Variants in TRAPPC9 observed in about 807,000 individuals in gnomAD.
The protein encoded by TRAPPC9 is trafficking protein particle complex subunit 9.
A neutral mutation model predicts 124.0 loss-of-function variants in TRAPPC9; 83 were observed. That is an observed-to-expected ratio of 0.67 (90% CI 0.56 to 0.80). The LOEUF (loss-of-function observed/expected upper bound fraction) is 0.80, where lower values mean the gene tolerates loss of function less well. Among genes scored for constraint, TRAPPC9 ranks in the 30% least tolerant of loss-of-function variants. The pLI, the probability that TRAPPC9 is intolerant of heterozygous loss-of-function variation, is 0.00. For synonymous variants in TRAPPC9, 638 were observed against 617.5 expected (o/e 1.03, Z -0.49); for missense variants, 1,302 against 1,508.3 (o/e 0.86, Z 2.27).
intron 19 of TRAPPC9, among the ~76,000 whole-genome samples, chr8:139,966,079 A>G (rs1835688245): frequency 1.3e-5 from 2 of 152,188 alleles, no homozygotes; most frequent in Admixed American, 1.3e-4. Context: ...AGTTGTGAAG[A>G]GTTCTGCTCA....
intron 12 of TRAPPC9, among the ~76,000 whole-genome samples, chr8:140,290,343 A>G (rs1236445919): frequency 6.6e-6 from 1 of 152,238 alleles, no homozygotes; most frequent in Non-Finnish European, 1.5e-5. Flanking sequence ...ACAGCAATGC[A>G]GAGAAGACTT....
chr8:140,263,268 A>G (rs772720981), intron 15 of TRAPPC9, among the ~76,000 whole-genome samples: 1 of 152,146 alleles, frequency 6.6e-6, no homozygotes, highest in Non-Finnish European at 1.5e-5. Flanking sequence ...CTATCACGGG[A>G]CACCTTGCAC....
intron 1 of TRAPPC9, among the ~76,000 whole-genome samples, chr8:140,453,770 T>C (rs950813474): frequency 6.6e-6 from 1 of 152,150 alleles, no homozygotes; most frequent in Non-Finnish European, 1.5e-5. Context: ...GAGTCTTTTC[T>C]GCACACAAAA....
chr8:140,144,743 TC>T (rs1442294441), intron 17 of TRAPPC9, among the ~76,000 whole-genome samples: 1 of 152,082 alleles, frequency 6.6e-6, no homozygotes, highest in Non-Finnish European at 1.5e-5. Context: ...TGCTTCAGCC[TC>T]CCAAAGTGCT....
chr8:140,014,842 G>A (rs1839361948), intron 18 of TRAPPC9, among the ~76,000 whole-genome samples: 1 of 152,222 alleles, frequency 6.6e-6, no homozygotes, highest in South Asian at 2.1e-4. Context: ...GTTCTCGGGA[G>A]TGTGCATGGG....
intron 10 of TRAPPC9, among the ~76,000 whole-genome samples, chr8:140,308,972 G>A (rs552578625): frequency 2.0e-5 from 3 of 152,118 alleles, no homozygotes; most frequent in Non-Finnish European, 2.9e-5. Flanking sequence ...CTAACTGTTC[G>A]CAGGGAGCTC....
At chr8:139,758,516 T>C (rs1345529958) in intron 21 of TRAPPC9, among the ~76,000 whole-genome samples, 1 of 151,910 alleles carries the variant, frequency 6.6e-6, no homozygotes, top group East Asian at 1.9e-4. Context: ...CTGCCTGCTG[T>C]GGGGAGGCCG....
intron 5 of TRAPPC9, among the ~76,000 whole-genome samples, chr8:140,418,767 TAG>T (rs1256512971): frequency 7.0e-6 from 1 of 143,318 alleles, no homozygotes; most frequent in East Asian, 2.1e-4. Context: ...GATAGATAGA[TAG>T]ATAGACAGAC....
At chr8:140,359,242 A>G (rs576741304) in intron 9 of TRAPPC9, among the ~76,000 whole-genome samples, 1 of 152,174 alleles carries the variant, frequency 6.6e-6, no homozygotes, top group African/African-American at 2.4e-5. Context: ...GTACGTCCCA[A>G]TACACTCTGC....
chr8:140,004,495 G>A (rs1838621610), intron 18 of TRAPPC9, among the ~76,000 whole-genome samples: 1 of 152,096 alleles, frequency 6.6e-6, no homozygotes, highest in African/African-American at 2.4e-5. Flanking sequence ...TAATTTCTCT[G>A]ACTGTCAGTT....
At chr8:140,283,321 G>A (rs2065382678) in intron 14 of TRAPPC9, among the ~76,000 whole-genome samples, 1 of 131,654 alleles carries the variant, frequency 7.6e-6, no homozygotes, top group Non-Finnish European at 1.6e-5. Flanking sequence ...TTGAGACGGA[G>A]TCTCGCTCTG....
At chr8:139,799,696 C>T (rs1417214253) in intron 21 of TRAPPC9, among the ~76,000 whole-genome samples, 2 of 152,236 alleles carry the variant, frequency 1.3e-5, no homozygotes, top group African/African-American at 4.8e-5. Flanking sequence ...CACGGAAGAG[C>T]TCCCATGAGC....
chr8:140,003,361 G>A (rs1249655210), intron 18 of TRAPPC9, among the ~76,000 whole-genome samples: 1 of 152,026 alleles, frequency 6.6e-6, no homozygotes, highest in East Asian at 1.9e-4. Context: ...GATCACCTGA[G>A]GTCAGGAGTT....
intron 21 of TRAPPC9, among the ~76,000 whole-genome samples, chr8:139,846,086 C>T (rs535028039): frequency 1.4e-3 from 211 of 152,374 alleles, no homozygotes; most frequent in South Asian, 4.8e-3. Context: ...GCCGGCCTGG[C>T]CACGATGGGC....
chr8:140,400,949 C>T (rs2069244585), intron 6 of TRAPPC9, among the ~76,000 whole-genome samples: 1 of 151,984 alleles, frequency 6.6e-6, no homozygotes, highest in African/African-American at 2.4e-5. Flanking sequence ...TCCTAGTTAT[C>T]CCAACTGGAC....
At chr8:139,777,701 G>A (rs571568247) in intron 21 of TRAPPC9, among the ~76,000 whole-genome samples, 9 of 152,150 alleles carry the variant, frequency 5.9e-5, no homozygotes, top group African/African-American at 2.2e-4. Context: ...TTTACCCTCC[G>A]CCTGGAACAA....
chr8:140,079,525 G>A (rs1182151222), intron 17 of TRAPPC9, among the ~76,000 whole-genome samples: 1 of 152,114 alleles, frequency 6.6e-6, no homozygotes, highest in Non-Finnish European at 1.5e-5. Context: ...AGTGAAGTTT[G>A]TTCATATTTA....
intron 17 of TRAPPC9, among the ~76,000 whole-genome samples, chr8:140,169,178 A>T (rs1345021088): frequency 6.6e-6 from 1 of 151,320 alleles, no homozygotes; most frequent in Non-Finnish European, 1.5e-5. Flanking sequence ...TTTACAGTGA[A>T]CATAGATAAT....
intron 17 of TRAPPC9, among the ~76,000 whole-genome samples, chr8:140,149,862 C>A (rs1384293386): frequency 1.3e-5 from 2 of 152,078 alleles, no homozygotes; most frequent in Admixed American, 1.3e-4. Flanking sequence ...CATGAGGTGG[C>A]TCTCTGTATA....
Sources: allele counts gnomAD v4.1 joint callset (sites outside exome capture counted in the v4.1 genomes callset), GRCh38; gene constraint gnomAD v4.1.1; transcripts MANE v1.5; gene names NCBI Gene and HGNC (gene_info 2026-07-23, HGNC 2026-07-21).